Variants in KLHL32 observed in about 807,000 individuals in gnomAD.
KLHL32 encodes kelch like family member 32.
A neutral mutation model predicts 64.8 loss-of-function variants in KLHL32; 35 were observed. That is an observed-to-expected ratio of 0.54 (90% CI 0.41 to 0.72). KLHL32 has a LOEUF of 0.72. Ranked by LOEUF, KLHL32 falls within the 30% of genes least tolerant of loss-of-function variation. The pLI is 0.00. For synonymous variants in KLHL32, 259 were observed against 281.0 expected (o/e 0.92, Z 0.78); for missense variants, 589 against 768.5 (o/e 0.77, Z 2.76).
intron 5 of KLHL32, among the ~76,000 whole-genome samples, chr6:97,081,130 T>C (rs972571011): frequency 2.0e-5 from 3 of 152,064 alleles, no homozygotes; most frequent in South Asian, 4.1e-4. Flanking sequence ...CAGGACTGCA[T>C]AGGGAAGCCC....
At chr6:97,030,510 C>T (rs1306035546) in intron 3 of KLHL32, among the ~76,000 whole-genome samples, 4 of 152,186 alleles carry the variant, frequency 2.6e-5, no homozygotes, top group Non-Finnish European at 5.9e-5. Context: ...GGTGGCAGCA[C>T]ATTATCAGCC....
At chr6:97,081,601 G>A (rs935129848) in intron 5 of KLHL32, among the ~76,000 whole-genome samples, 1 of 152,072 alleles carries the variant, frequency 6.6e-6, no homozygotes, top group Non-Finnish European at 1.5e-5. Flanking sequence ...AGCATCAAAC[G>A]GCTTCTCAGG....
Position 96,968,270 on chromosome 6 carries a change from C to T in KLHL32, c.23+1187C>T, listed in dbSNP as rs557269346. ...TATCTGACAATGTTTTTGGATGTCACGGGGATTGTGGATACATTTGGCATC... is the reference window on the plus strand; with the variant it reads ...TATCTGACAATGTTTTTGGATGTCATGGGGATTGTGGATACATTTGGCATC... On this transcript the variant is annotated intron_variant, in intron 2 of 10. Transcript: ENST00000369261. 2.6e-5 allele frequency among the ~76,000 whole-genome samples: 4 copies of T among 152,036 alleles called. No individual in the cohort carries two copies. The East Asian group carries it at 7.7e-4, about 29-fold the overall frequency.
intron 3 of KLHL32, among the ~76,000 whole-genome samples, chr6:97,036,422 A>G (rs1784298120): frequency 6.6e-6 from 1 of 152,196 alleles, no homozygotes. Context: ...TGTTTCCCTG[A>G]CATTTCATGT....
At chr6:96,974,966 C>T (rs1370072137) in intron 2 of KLHL32, among the ~76,000 whole-genome samples, 2 of 152,222 alleles carry the variant, frequency 1.3e-5, no homozygotes, top group African/African-American at 2.4e-5. Flanking sequence ...CTTGCTTTCA[C>T]TCTGGGAGTA....
rs115900716 is a variant in KLHL32 at position 96,934,166 on chromosome 6, C to T, written c.-66+9140C>T. ...TTTACCACTGTCCTGCAAATACGTGCACTCTAGAGGTTTGCAACAAGGCTG... is the reference window on the plus strand; with the variant it reads ...TTTACCACTGTCCTGCAAATACGTGTACTCTAGAGGTTTGCAACAAGGCTG... On this transcript the variant is annotated intron_variant, in intron 1 of 10. Coordinates refer to ENST00000369261, the MANE Select transcript of KLHL32 (RefSeq NM_052904.4). 4.0e-3 allele frequency among the ~76,000 whole-genome samples: 608 copies of T among 152,284 alleles called. 11 individuals are homozygous for T. The highest frequency in any genetic ancestry group is 0.014 in the African/African-American group (587 of 41,562).
intron 6 of KLHL32, among the ~76,000 whole-genome samples, chr6:97,095,774 C>CT (rs1794902794): frequency 2.6e-5 from 4 of 152,142 alleles, no homozygotes; most frequent in Admixed American, 2.6e-4. Context: ...GAATGCAGCC[C>CT]TTGAGAAAGT....
At chr6:97,050,582 C>T (rs1422989430) in intron 4 of KLHL32, among the ~76,000 whole-genome samples, 1 of 152,036 alleles carries the variant, frequency 6.6e-6, no homozygotes, top group African/African-American at 2.4e-5. Context: ...TGAAAGCCAT[C>T]CGGAGTGAAA....
At chr6:97,054,823 C>T (rs1321128710) in intron 4 of KLHL32, among the ~76,000 whole-genome samples, 2 of 152,090 alleles carry the variant, frequency 1.3e-5, no homozygotes, top group African/African-American at 2.4e-5. Flanking sequence ...CCTGTACTCC[C>T]GGCTATTCGG....
At chr6:97,019,397 T>A (rs1781681445) in intron 3 of KLHL32, among the ~76,000 whole-genome samples, 1 of 152,206 alleles carries the variant, frequency 6.6e-6, no homozygotes, top group Non-Finnish European at 1.5e-5. Flanking sequence ...CTCAGTGGAC[T>A]CCACAGGGAA....
At chr6:97,114,670 G>A in intron 7 of KLHL32, 161 bp downstream of exon 7, 2 of 761,860 alleles carry the variant, frequency 2.6e-6, no homozygotes, top group Non-Finnish European at 4.3e-6. Flanking sequence ...ACTCTAGAGA[G>A]CAATGTAATT....
intron 3 of KLHL32, among the ~76,000 whole-genome samples, chr6:97,022,651 G>T (rs1379729233): frequency 2.6e-5 from 4 of 151,382 alleles, no homozygotes; most frequent in Admixed American, 6.6e-5. Context: ...TGTATTTTTA[G>T]TAGAGATGGG....
intron 3 of KLHL32, among the ~76,000 whole-genome samples, chr6:97,028,825 T>A (rs1480422029): frequency 6.6e-6 from 1 of 152,210 alleles, no homozygotes; most frequent in Non-Finnish European, 1.5e-5. Flanking sequence ...TCCCTAAACA[T>A]CTGAAAGAGG....
At position 97,038,795 on chromosome 6, in the gene KLHL32, G is replaced by A. The variant is rs1278817424; in HGVS notation, c.205-2697G>A. ...CACTGTTCACAATAGTCAAAATTTA[G>A]AATTGGGCTGGGTGCAGTAGCTCAC... On this transcript the variant is annotated intron_variant, in intron 3 of 10. Transcript: ENST00000369261. 2.0e-5 allele frequency among the ~76,000 whole-genome samples: 3 copies of A among 151,914 alleles called. No individual in the cohort carries two copies. The East Asian group carries it at 5.8e-4, about 29-fold the overall frequency.
intron 6 of KLHL32, 67 bp from the exon 7 acceptor site, chr6:97,113,716 T>C (rs767536284): frequency 6.4e-7 from 1 of 1,556,404 alleles, no homozygotes; most frequent in Non-Finnish European, 8.7e-7. Context: ...AACCTACCTA[T>C]ATGCTGTTGC....
intron 3 of KLHL32, among the ~76,000 whole-genome samples, chr6:96,998,673 T>G (rs1778675281): frequency 6.6e-6 from 1 of 152,232 alleles, no homozygotes; most frequent in South Asian, 2.1e-4. Context: ...TTACTTTGCT[T>G]GAGGCCAAGC....
At chr6:97,093,664 C>T (rs1794575766) in intron 6 of KLHL32, among the ~76,000 whole-genome samples, 1 of 152,178 alleles carries the variant, frequency 6.6e-6, no homozygotes, top group African/African-American at 2.4e-5. Flanking sequence ...TAAAGTCGTA[C>T]AGGAAAGTGT....
the KLHL32 span, among the ~76,000 whole-genome samples, chr6:96,904,521 T>C: frequency 8.5e-5 from 13 of 152,206 alleles, no homozygotes; most frequent in African/African-American, 2.9e-4. Context: ...TGGCTAGACA[T>C]ACCAGGTTCC....
intron 6 of KLHL32, among the ~76,000 whole-genome samples, chr6:97,103,360 C>T (rs1334584338): frequency 6.6e-6 from 1 of 152,040 alleles, no homozygotes; most frequent in Non-Finnish European, 1.5e-5. Context: ...ACTATAGGCA[C>T]CTGCCATCAC....
Sources: allele counts gnomAD v4.1 joint callset (sites outside exome capture counted in the v4.1 genomes callset), GRCh38; gene constraint gnomAD v4.1.1; transcripts MANE v1.5; gene names NCBI Gene and HGNC (gene_info 2026-07-23, HGNC 2026-07-21).